The following STON2 variants were observed in gnomAD, a reference collection of about 807,000 sequenced individuals.
The protein encoded by STON2 is stonin-2.
In STON2, 29 loss-of-function variants were observed where a neutral mutation model predicts 65.7. The ratio of observed to expected loss-of-function variants is 0.44; its 90% CI spans 0.33 to 0.60. The LOEUF (loss-of-function observed/expected upper bound fraction) is 0.60, where lower values mean the gene tolerates loss of function less well. STON2 is among the 20% of genes least tolerant of loss of function. STON2 has a pLI of 0.03. For synonymous variants in STON2, 404 were observed against 414.2 expected, an observed-to-expected ratio of 0.98 and a Z score of 0.30; for missense variants, 1,054 against 1,118.1, an observed-to-expected ratio of 0.94 and a Z score of 0.82.
At chr14:81,347,298 A>G (rs1897845629) in intron 4 of STON2, among the ~76,000 whole-genome samples, 1 of 152,130 alleles carries the variant, frequency 6.6e-6, no homozygotes, top group South Asian at 2.1e-4. Context: ...ATGAACATCT[A>G]TATGTGAACA....
intron 1 of STON2, among the ~76,000 whole-genome samples, chr14:81,399,524 A>G (rs1341275760): frequency 6.6e-6 from 1 of 152,218 alleles, no homozygotes; most frequent in Non-Finnish European, 1.5e-5. Flanking sequence ...ACAGGTTATC[A>G]TCTGCAGTAA....
At chr14:81,276,799 A>T in intron 6 of STON2, 102 bp downstream of exon 6, 2 of 1,404,592 alleles carry the variant, frequency 1.4e-6, no homozygotes, top group Non-Finnish European at 1.9e-6. Context: ...CACCACTCCC[A>T]TCACACAGCA....
In STON2 at chr14:81,421,114, G is replaced by C. The variant is rs577694179; in HGVS notation, c.-199+5988C>G. On this transcript the variant is annotated intron_variant, in intron 2 of 8. Coordinates refer to the STON2 transcript ENST00000553821. ...GGGCAGGGATGGGATGAAGCACTGA[G>C]ACGGTATGAGGATGTCTTTTTGTTA... 2.0e-5 allele frequency among the ~76,000 whole-genome samples: 3 copies of C among 152,320 alleles called. No individual in the cohort carries two copies. The East Asian group carries it at 5.8e-4, about 29-fold the overall frequency.
intron 5 of STON2, among the ~76,000 whole-genome samples, chr14:81,293,869 G>A (rs1193192039): frequency 6.6e-6 from 1 of 152,174 alleles, no homozygotes; most frequent in Non-Finnish European, 1.5e-5. Flanking sequence ...GCACTGACCA[G>A]ATTGCTGATT....
chr14:81,286,857 A>G (rs928520584), intron 5 of STON2, among the ~76,000 whole-genome samples: 5 of 152,172 alleles, frequency 3.3e-5, no homozygotes, highest in Non-Finnish European at 7.4e-5. Context: ...TTTTAAGTAA[A>G]CTGTCCAAGT....
chr14:81,429,859 C>T (rs1476605710), intron 1 of STON2, among the ~76,000 whole-genome samples: 2 of 151,618 alleles, frequency 1.3e-5, no homozygotes, highest in South Asian at 4.2e-4. Context: ...TGCTTGAACC[C>T]GGGAGGCGGA....
intron 4 of STON2, among the ~76,000 whole-genome samples, chr14:81,347,902 CAAAAA>C (rs755109204): frequency 1.9e-5 from 1 of 51,560 alleles, no homozygotes; most frequent in Non-Finnish European, 3.5e-5. Flanking sequence ...TGTCTCTTAC[CAAAAA>C]AAAAAAAAAA....
At chr14:81,349,063 T>C (rs1897925405) in intron 4 of STON2, among the ~76,000 whole-genome samples, 1 of 152,134 alleles carries the variant, frequency 6.6e-6, no homozygotes, top group Non-Finnish European at 1.5e-5. Context: ...ACTAGACCCC[T>C]ATCTCTATCC....
chr14:81,262,066 G>C lies in STON2; in HGVS notation c.*6348C>G. ...ACATAGGAAGAGTCACTGAAAGGTG[G>C]CACCAATGGATATTTTGTAAAATAA... On this transcript the variant is annotated 3_prime_UTR_variant, in exon 8 of 8. Transcript: ENST00000614646. 7.7e-7 allele frequency: 1 copy of C among 1,299,184 alleles called. No individual in the cohort carries two copies. Among genetic ancestry groups the C allele is most frequent in the Non-Finnish European group, 9.7e-7 (1 of 1,026,480 alleles). The allele number at this position is 1,299,184 out of a possible 1,614,324, so 80.5% of individuals were successfully genotyped here. A position where few individuals can be genotyped will look rare whatever the true frequency, so the allele number is the denominator to read the frequency against.
At chr14:81,289,556 G>C (rs1321295407) in intron 5 of STON2, among the ~76,000 whole-genome samples, 1 of 152,152 alleles carries the variant, frequency 6.6e-6, no homozygotes, top group African/African-American at 2.4e-5. Context: ...AAGGGAGTAT[G>C]GGGGAATTTA....
intron 4 of STON2, among the ~76,000 whole-genome samples, chr14:81,358,938 C>T: frequency 6.6e-6 from 1 of 152,128 alleles, no homozygotes; most frequent in East Asian, 1.9e-4. Context: ...ATACAATAAT[C>T]ATATCGGACT....
At position 81,277,486 on chromosome 14, in the gene STON2, C is replaced by A. The variant is rs148802472; in HGVS notation, c.1996G>T (p.Ala666Ser). The stretch of plus-strand genomic sequence containing the variant: ...TCATTGAGGCCCAGGCGGCACTCTG[C>A]GAGCCCAGACAGGAAACTCAGGATG... The part of the protein sequence containing the change: ...IHILSFLSGL[A>S]ECRLGLNDIL... The change falls in exon 6 of 8, where the codon GCA (alanine) becomes TCA (serine). Residue 666 changes from alanine to serine, a missense_variant. Ala to Ser is a moderately conservative substitution (Grantham distance 99). Transcript: ENST00000614646. 1.9e-6 allele frequency: 3 copies of A among 1,614,014 alleles called. No homozygotes were observed. The African/African-American group carries it at 4.0e-5, about 22-fold the overall frequency.
intron 5 of STON2, among the ~76,000 whole-genome samples, chr14:81,279,465 C>A (rs2140126632): frequency 6.6e-6 from 1 of 152,134 alleles, no homozygotes. Flanking sequence ...CCGAGGTGGG[C>A]AAATCACGAG....
At position 81,323,880 on chromosome 14, in the gene STON2, G is replaced by T. The variant is rs143314101; in HGVS notation, c.742+137C>A. Among the ~76,000 whole-genome samples, 341 of 152,142 alleles carry T rather than the reference G, an allele frequency of 2.2e-3. 1 individual carries two copies. The highest frequency in any genetic ancestry group is 7.4e-3 in the African/African-American group (307 of 41,486). ...CCTGCGAAAAGACATTTCTTTGTCT[G>T]GGGACCACCGAGAACTAACCAAACA... is the stretch of plus-strand genomic sequence containing the variant. On this transcript the variant is annotated intron_variant, in intron 5 of 7. Transcript: ENST00000614646.
intron 2 of STON2, among the ~76,000 whole-genome samples, chr14:81,421,220 A>C (rs908362005): frequency 6.6e-6 from 1 of 152,220 alleles, no homozygotes; most frequent in Admixed American, 6.5e-5. Context: ...TTATGCCCCT[A>C]CTGAGTCCAG....
intron 5 of STON2, among the ~76,000 whole-genome samples, chr14:81,310,524 G>T (rs917011881): frequency 6.6e-6 from 1 of 152,190 alleles, no homozygotes; most frequent in Non-Finnish European, 1.5e-5. Context: ...TAAGGTTTAC[G>T]TAAGACTGAG....
chr14:81,313,413 G>A (rs777297180), intron 5 of STON2, among the ~76,000 whole-genome samples: 44 of 152,116 alleles, frequency 2.9e-4, no homozygotes, highest in Admixed American at 8.5e-4. Context: ...TGACTCCTAC[G>A]TGCAGATACG....
intron 4 of STON2, among the ~76,000 whole-genome samples, chr14:81,360,486 A>T (rs1055774598): frequency 6.6e-5 from 10 of 151,994 alleles, no homozygotes; most frequent in African/African-American, 2.2e-4. Flanking sequence ...CTTTAATGAT[A>T]AAAAAAATAA....
At chr14:81,366,142 C>G (rs1898714789) in intron 4 of STON2, among the ~76,000 whole-genome samples, 1 of 152,192 alleles carries the variant, frequency 6.6e-6, no homozygotes. Context: ...CCCCCGCACC[C>G]TGTGATTTAA....
Sources: allele counts gnomAD v4.1 joint callset (sites outside exome capture counted in the v4.1 genomes callset), GRCh38; gene constraint gnomAD v4.1.1; transcripts MANE v1.5; gene names NCBI Gene and HGNC (gene_info 2026-07-23, HGNC 2026-07-21).